The following BRINP1 variants were observed in gnomAD, a reference collection of about 807,000 sequenced individuals.
The protein encoded by BRINP1 is BMP/retinoic acid inducible neural specific 1, also known as BMP/retinoic acid-inducible neural-specific protein 1.
A neutral mutation model predicts 72.9 loss-of-function variants in BRINP1; 17 were observed. The observed-to-expected ratio is 0.23, with a 90% confidence interval of 0.16 to 0.35. BRINP1 has a LOEUF of 0.35. BRINP1 is among the 10% of genes least tolerant of loss of function. BRINP1 has a pLI of 1.00. For synonymous variants in BRINP1, 418 were observed against 378.5 expected (o/e 1.10, Z -1.21); for missense variants, 850 against 1,001.6 (o/e 0.85, Z 2.04).
intron 1 of BRINP1, among the ~76,000 whole-genome samples, chr9:119,321,864 T>C (rs1387579148): frequency 6.6e-6 from 1 of 152,210 alleles, no homozygotes; most frequent in Non-Finnish European, 1.5e-5. Flanking sequence ...CTAGAAACTT[T>C]AAAATTACAC....
chr9:119,217,195 T>C (rs1829987214), intron 5 of BRINP1, among the ~76,000 whole-genome samples: 1 of 152,134 alleles, frequency 6.6e-6, no homozygotes, highest in African/African-American at 2.4e-5. Flanking sequence ...GAATCCTGCC[T>C]GCTTCAATGG....
chr9:119,206,747 G>A (rs1045941258), intron 7 of BRINP1, among the ~76,000 whole-genome samples: 5 of 152,240 alleles, frequency 3.3e-5, no homozygotes, highest in East Asian at 3.9e-4. Flanking sequence ...AGCACTGTTC[G>A]CTGTGTGCAT....
rs911246147 is a variant in BRINP1 at position 119,223,664 on chromosome 9, A to C, written c.686-9509T>G. ...TACGTGTTTGAATGAAGGCAATTTT[A>C]GACAGAATGTGTTTCAGAGAGGACT... On this transcript the variant is annotated intron_variant, in intron 5 of 7. Coordinates refer to ENST00000265922, the MANE Select transcript of BRINP1 (RefSeq NM_014618.3). Among the ~76,000 whole-genome samples, 5 of 152,082 alleles carry C rather than the reference A, an allele frequency of 3.3e-5. No individual in the cohort carries two copies. The South Asian group carries it at 8.3e-4, about 25-fold the overall frequency.
At chr9:119,206,574 A>G (rs1424319565) in intron 7 of BRINP1, among the ~76,000 whole-genome samples, 4 of 152,200 alleles carry the variant, frequency 2.6e-5, no homozygotes, top group Admixed American at 2.0e-4. Flanking sequence ...TGACACCTTG[A>G]TCTTGGACTT....
chr9:119,263,315 C>G (rs1389196142), intron 2 of BRINP1, among the ~76,000 whole-genome samples: 1 of 152,182 alleles, frequency 6.6e-6, no homozygotes, highest in South Asian at 2.1e-4. Context: ...AACTTCAGGA[C>G]TGAAGTGCCT....
intron 7 of BRINP1, among the ~76,000 whole-genome samples, chr9:119,169,511 C>A (rs1829373488): frequency 6.6e-6 from 1 of 152,194 alleles, no homozygotes; most frequent in South Asian, 2.1e-4. Flanking sequence ...ATTGCTAGCG[C>A]AGCAGTCTGA....
chr9:119,168,112 T>C lies in BRINP1; in HGVS notation c.1258A>G (p.Thr420Ala). ...CAGGGGATGGGGCGCTGGCACAGCG[T>C]GGTGCTGCCGTGGCACACGCAGCTC... Reference protein sequence around the residue: ...QRSCVCHGSTTLCQRPIPCVI... With the variant: ...QRSCVCHGSTALCQRPIPCVI... The change falls in exon 8 of 8, where the codon ACG becomes GCG. Residue 420 changes from threonine to alanine, a missense_variant. Transcript: ENST00000265922. 3 of 1,608,632 alleles carry C rather than the reference T, an allele frequency of 1.9e-6. No individual in the cohort carries two copies. Among genetic ancestry groups the C allele is most frequent in the Non-Finnish European group, 2.5e-6 (3 of 1,176,668 alleles).
At chr9:119,178,108 G>A (rs1477928590) in intron 7 of BRINP1, among the ~76,000 whole-genome samples, 6 of 152,194 alleles carry the variant, frequency 3.9e-5, no homozygotes, top group African/African-American at 1.4e-4. Flanking sequence ...TGGACAGGGA[G>A]GATGAAATGG....
chr9:119,184,385 C>T (rs148350102), intron 7 of BRINP1, among the ~76,000 whole-genome samples: 2 of 152,218 alleles, frequency 1.3e-5, no homozygotes, highest in East Asian at 3.9e-4. Flanking sequence ...AAAGAAAGTT[C>T]CGAAGATATT....
At chr9:119,300,953 A>G (rs1215919096) in intron 2 of BRINP1, among the ~76,000 whole-genome samples, 1 of 152,138 alleles carries the variant, frequency 6.6e-6, no homozygotes, top group African/African-American at 2.4e-5. Context: ...CAATTTCTCA[A>G]TGCTTTACTC....
chr9:119,233,965 G>T (rs983241041), intron 5 of BRINP1, among the ~76,000 whole-genome samples: 2 of 152,124 alleles, frequency 1.3e-5, no homozygotes, highest in Non-Finnish European at 2.9e-5. Flanking sequence ...ATTGTTGTAT[G>T]AAACAGTGGT....
chr9:119,237,425 T>C (rs1418126095), intron 5 of BRINP1, among the ~76,000 whole-genome samples: 1 of 151,202 alleles, frequency 6.6e-6, no homozygotes, highest in Non-Finnish European at 1.5e-5. Flanking sequence ...TAGTGGTGCA[T>C]GATCTTGGCT....
chr9:119,274,404 T>C (rs1299056883), intron 2 of BRINP1, among the ~76,000 whole-genome samples: 1 of 152,216 alleles, frequency 6.6e-6, no homozygotes, highest in Non-Finnish European at 1.5e-5. Context: ...CAGAGTTAAA[T>C]GATTCCTCTA....
At chr9:119,252,553 CGT>C (rs149734478) in intron 2 of BRINP1, among the ~76,000 whole-genome samples, 19,102 of 145,576 alleles carry the variant, frequency 0.13, 1,646 homozygotes, top group Admixed American at 0.23. Context: ...TATAGTCATA[CGT>C]GTGTGTGTGT....
intron 2 of BRINP1, among the ~76,000 whole-genome samples, chr9:119,300,055 C>T (rs113695264): frequency 5.9e-5 from 9 of 152,330 alleles, no homozygotes; most frequent in African/African-American, 1.9e-4. Context: ...ATTCGTTTCA[C>T]ACCCCACTTC....
At chr9:119,248,310 T>A (rs555754497) in intron 3 of BRINP1, among the ~76,000 whole-genome samples, 2 of 152,346 alleles carry the variant, frequency 1.3e-5, no homozygotes, top group East Asian at 3.9e-4. Flanking sequence ...GGATTGCTCC[T>A]AATATTAAAT....
intron 2 of BRINP1, among the ~76,000 whole-genome samples, chr9:119,269,347 T>G (rs1210650261): frequency 6.6e-6 from 1 of 152,220 alleles, no homozygotes; most frequent in Non-Finnish European, 1.5e-5. Flanking sequence ...GCTCGTGGAA[T>G]GATTCACCCT....
rs112300196 is a variant in BRINP1, at chr9:119,173,679, G to A, written c.1146-5455C>T. On this transcript the variant is annotated intron_variant, in intron 7 of 7. Coordinates refer to ENST00000265922, the MANE Select transcript of BRINP1 (RefSeq NM_014618.3). ...ATGGAACCAAAAAAGAGCCCGCATC[G>A]CCAAGTCAATCCTAAGCCAAAAGAA... 2.3e-3 allele frequency among the ~76,000 whole-genome samples: 337 copies of A among 143,656 alleles called. 3 individuals are homozygous for A. The highest frequency in any genetic ancestry group is 7.6e-3 in the African/African-American group (275 of 36,138). The allele number at this position is 143,656 out of a possible 152,430, so 94.2% of individuals were successfully genotyped here.
chr9:119,197,851 AAAAT>A (rs1482171411), intron 7 of BRINP1, among the ~76,000 whole-genome samples: 32 of 152,398 alleles, frequency 2.1e-4, no homozygotes, highest in Middle Eastern at 3.4e-3. Context: ...AATTAAAACT[AAAAT>A]AAATCAATGA....
Sources: allele counts gnomAD v4.1 joint callset (sites outside exome capture counted in the v4.1 genomes callset), GRCh38; gene constraint gnomAD v4.1.1; transcripts MANE v1.5; gene names NCBI Gene and HGNC (gene_info 2026-07-23, HGNC 2026-07-21).